SLC16A6: variants seen among roughly 807,000 people sequenced by gnomAD.
The protein encoded by SLC16A6 is solute carrier family 16 member 6, also known as monocarboxylate transporter 7.
SLC16A6 carries 15 observed loss-of-function variants against 33.8 expected under a neutral mutation model. That is an observed-to-expected ratio of 0.44 (90% CI 0.30 to 0.68). SLC16A6 has a LOEUF of 0.68. SLC16A6 is among the 30% of genes least tolerant of loss of function. The pLI is 0.10. For missense variants in SLC16A6, 451 were observed against 661.5 expected, an observed-to-expected ratio of 0.68 and a Z score of 3.49; for synonymous variants, 219 against 248.4, an observed-to-expected ratio of 0.88 and a Z score of 1.11.
rs75069202 is a variant in SLC16A6, at chr17:68,273,698, A to G, written c.376+229T>C. Reference sequence around the variant, plus strand: ...CAAATACAGCAAAAGAGAAATTATCATCATCTTTGGTGAAGATCAAACAAA... The same window carrying G: ...CAAATACAGCAAAAGAGAAATTATCGTCATCTTTGGTGAAGATCAAACAAA... On this transcript the variant is annotated intron_variant, in intron 3 of 5. Transcript: ENST00000580666. 6.3e-3 allele frequency among the ~76,000 whole-genome samples: 957 copies of G among 152,076 alleles called. 7 individuals are homozygous for G. The highest frequency in any genetic ancestry group is 0.022 in the African/African-American group (904 of 41,332).
chr17:68,271,766 G>C lies in SLC16A6; in HGVS notation c.506-112C>G, dbSNP rs192279074. The C allele has an allele frequency of 2.2e-5, 17 of 772,924 alleles. No individual in the cohort carries two copies. In the East Asian group the frequency reaches 4.0e-4, roughly 18 times the overall value. 47.9% of individuals were successfully genotyped at this position (772,924 alleles called of 1,614,324 possible). A position where few individuals can be genotyped will look rare whatever the true frequency, so the allele number is the denominator to read the frequency against. ...TCCAGATTTTGTTATAAGTTCTGTGGAAATTTATTATACTCAGCAGTATGA... is the reference window on the plus strand; with the variant it reads ...TCCAGATTTTGTTATAAGTTCTGTGCAAATTTATTATACTCAGCAGTATGA... On this transcript the variant is annotated intron_variant, in intron 4 of 5. Coordinates refer to ENST00000580666, the MANE Select transcript of SLC16A6 (RefSeq NM_004694.5). This position sits in a 1 kb window ranked among gnomAD's most constrained non-coding sequence, Gnocchi z 5.3.
upstream of SLC16A6, chr17:68,291,437 GACCATGT>G (rs1473839904): frequency 6.6e-6 from 1 of 150,774 alleles, no homozygotes; most frequent in East Asian, 2.0e-4. Context: ...CGCCGCCGCC[GACCATGT>G]GCTGCGAGCG....
intron 2 of SLC16A6, 68 bp downstream of exon 2, chr17:68,278,021 A>G: frequency 9.5e-7 from 1 of 1,050,486 alleles, no homozygotes; most frequent in Non-Finnish European, 1.4e-6. Context: ...ATCGACTACC[A>G]TTACCAAGGT....
intron 1 of SLC16A6, among the ~76,000 whole-genome samples, chr17:68,286,227 C>T (rs2075839442): frequency 6.6e-6 from 1 of 152,172 alleles, no homozygotes. Flanking sequence ...TGCCCCTTTC[C>T]TCTCTTCCCT....
At chr17:68,281,514 G>T (rs1180841407) in intron 1 of SLC16A6, among the ~76,000 whole-genome samples, 2 of 152,186 alleles carry the variant, frequency 1.3e-5, no homozygotes, top group African/African-American at 4.8e-5. Context: ...GGTGGAGGTT[G>T]CAGTGAGCCG....
chr17:68,277,932 C>G (rs1555751518), intron 2 of SLC16A6, among the ~76,000 whole-genome samples, 157 bp downstream of exon 2: 1 of 152,138 alleles, frequency 6.6e-6, no homozygotes, highest in African/African-American at 2.4e-5. Context: ...CTTGCCAATC[C>G]TCAATGCTCT....
intron 1 of SLC16A6, among the ~76,000 whole-genome samples, chr17:68,281,986 C>T (rs1299672365): frequency 1.3e-5 from 2 of 152,164 alleles, no homozygotes; most frequent in African/African-American, 4.8e-5. Flanking sequence ...TTTGACCCAG[C>T]CATCCCATTA....
intron 1 of SLC16A6, among the ~76,000 whole-genome samples, chr17:68,282,779 T>TAAAAAAAAAAAAAAAAAAAAAAAA (rs36155626): frequency 2.1e-4 from 11 of 53,398 alleles, no homozygotes; most frequent in African/African-American, 5.6e-4. Context: ...CCATCTCTAC[T>TAAAAAAAAAAAAAAAAAAAAAAAA]AAAAAAAAAA....
rs1469980496 is a variant in SLC16A6, at chr17:68,272,916, C to T, written c.377-149G>A. 6 of 911,264 alleles carry T rather than the reference C, an allele frequency of 6.6e-6. No homozygotes were observed. In the African/African-American group the frequency reaches 6.9e-5, roughly 10 times the overall value. The allele number at this position is 911,264 out of a possible 1,614,324, so 56.4% of individuals were successfully genotyped here. On this transcript the variant is annotated intron_variant, in intron 3 of 5. Transcript: ENST00000580666. Reference sequence around the variant, plus strand: ...TTCATTCTGGACAAAGGTGATGTTGCAAAGAAAAATGGGTTTCATTAACGG... The same window carrying T: ...TTCATTCTGGACAAAGGTGATGTTGTAAAGAAAAATGGGTTTCATTAACGG...
In SLC16A6 at chr17:68,271,071, G is replaced by A. The variant is rs141291987; in HGVS notation, c.1089C>T (p.Leu363=). The A allele has an allele frequency of 6.9e-5, 112 of 1,614,156 alleles. No individual in the cohort carries two copies. In the African/African-American group the frequency reaches 1.4e-3, roughly 20 times the overall value. Residue 363 remains leucine, a synonymous_variant, in exon 5 of 6, where the codon CTC becomes CTT. Coordinates refer to ENST00000580666, the MANE Select transcript of SLC16A6 (RefSeq NM_004694.5). This position sits in a 1 kb window ranked among gnomAD's most constrained non-coding sequence, Gnocchi z 5.3. The part of the protein sequence containing the change: ...REPIRKIYIE[L]ICVILLTVSL... ...ACACAGTCAATAAGATGACGCAGAT[G>A]AGCTCAATGTAAATCTTACGAATGG...
rs782237944 is a variant in SLC16A6 at position 68,271,224 on chromosome 17, G to A, written c.936C>T (p.Ser312=). 12 of 1,614,076 alleles carry A rather than the reference G, an allele frequency of 7.4e-6. No homozygotes were observed. In the South Asian group the frequency reaches 1.1e-4, roughly 15 times the overall value. ...LFATLGFFAP[S]LYIIPLGISL... is the part of the protein sequence containing the mutation. ...TAATGCCCAGAGGAATGATGTACAA[G>A]GAAGGTGCAAAGAATCCCAGTGTTG... Residue 312 remains serine (S), a synonymous_variant, in exon 5 of 6, where the codon TCC becomes TCT. Coordinates refer to ENST00000580666, the MANE Select transcript of SLC16A6 (RefSeq NM_004694.5). This position sits in a 1 kb window ranked among gnomAD's most constrained non-coding sequence, Gnocchi z 5.3.
At chr17:68,286,156 T>C in intron 1 of SLC16A6, among the ~76,000 whole-genome samples, 1 of 152,198 alleles carries the variant, frequency 6.6e-6, no homozygotes, top group African/African-American at 2.4e-5. Flanking sequence ...TTGTATGAGC[T>C]GAGATTACCT....
chr17:68,272,739 T>C lies in SLC16A6; in HGVS notation c.405A>G (p.Pro135=), dbSNP rs371622082. ...SGLGYCFSFL[P]TVTILSQYFG... ...AATATTGTGATAGGATGGTTACAGT[T>C]GGGAGAAAACTAAAGCAGTATCCCA... The change falls in exon 4 of 6, where the codon CCA becomes CCG. Residue 135 remains proline (P), a synonymous_variant. Transcript: ENST00000580666. The C allele has an allele frequency of 9.9e-6, 16 of 1,613,990 alleles. No individual in the cohort carries two copies. Among genetic ancestry groups the C allele is most frequent in the Middle Eastern group, 1.6e-4 (1 of 6,084 alleles).
intron 2 of SLC16A6, among the ~76,000 whole-genome samples, chr17:68,275,131 C>G (rs1167835391): frequency 2.6e-5 from 4 of 152,188 alleles, no homozygotes; most frequent in Non-Finnish European, 5.9e-5. Flanking sequence ...TTATGCACTC[C>G]TGAAGGAGAG....
At chr17:68,273,586 C>G (rs1380324334) in intron 3 of SLC16A6, among the ~76,000 whole-genome samples, 3 of 152,166 alleles carry the variant, frequency 2.0e-5, no homozygotes, top group Non-Finnish European at 1.5e-5. Flanking sequence ...TGCACTTCCC[C>G]TACAGCCCTG....
intron 3 of SLC16A6, among the ~76,000 whole-genome samples, chr17:68,273,147 TAAC>T (rs1467504568): frequency 1.3e-5 from 2 of 152,158 alleles, no homozygotes; most frequent in Admixed American, 6.6e-5. Flanking sequence ...CTGCAAATCT[TAAC>T]AACTGTGTGT....
Position 68,274,015 on chromosome 17 carries a change from C to T in SLC16A6, c.288G>A (p.Leu96=). 1 of 1,614,172 alleles carries T rather than the reference C, an allele frequency of 6.2e-7. No homozygotes were observed. ...NRFGHRLVVM[L]GGLLVSTGMV... ...TCCCGGTGCTGACAAGTAGCCCCCC[C>T]AACATCACTACCAGACGGTGTCCGA... The change falls in exon 3 of 6, where the codon TTG becomes TTA. Residue 96 remains leucine, a synonymous_variant. Transcript: ENST00000580666.
intron 2 of SLC16A6, among the ~76,000 whole-genome samples, chr17:68,276,219 G>C (rs550446354): frequency 6.6e-6 from 1 of 151,566 alleles, no homozygotes; most frequent in South Asian, 2.1e-4. Flanking sequence ...TCAGCCTTCC[G>C]AGTAGCTGGG....
chr17:68,278,389 AC>A (rs1730831943), intron 1 of SLC16A6, 62 bp from the exon 2 acceptor site: 4 of 1,023,614 alleles, frequency 3.9e-6, no homozygotes, highest in Non-Finnish European at 6.0e-6. Context: ...TGATTCTCAT[AC>A]TCTTAAGCAA....
Sources: gnomAD v4.1 joint callset for allele counts (sites outside exome capture counted in the v4.1 genomes callset) on GRCh38, gnomAD v4.1.1 for gene constraint, Gnocchi (gnomAD v3.1) non-coding constraint, MANE v1.5 for transcripts, NCBI Gene and HGNC (gene_info 2026-07-23, HGNC 2026-07-21) for gene names.